GPC5: variants seen among roughly 807,000 people sequenced by gnomAD.
GPC5 encodes the protein glypican 5.
In GPC5, 47 loss-of-function variants were observed where a neutral mutation model predicts 53.9. The ratio of observed to expected loss-of-function variants is 0.87; its 90% CI spans 0.69 to 1.11. The LOEUF (loss-of-function observed/expected upper bound fraction) is 1.11. Among genes scored for constraint, GPC5 ranks in the 50% most tolerant of loss-of-function variants. The probability of loss-of-function intolerance (pLI) is 0.00; values close to 1 mark genes in which losing one functional copy is unlikely to be tolerated. For synonymous variants in GPC5, 286 were observed against 263.3 expected, an observed-to-expected ratio of 1.09 and a Z score of -0.84; for missense variants, 748 against 713.1, an observed-to-expected ratio of 1.05 and a Z score of -0.56.
At chr13:91,845,494 T>G (rs1411718986) in intron 5 of GPC5, among the ~76,000 whole-genome samples, 1 of 152,182 alleles carries the variant, frequency 6.6e-6, no homozygotes, top group African/African-American at 2.4e-5. Context: ...TAAGAACACT[T>G]AAGATCTGCT....
intron 7 of GPC5, among the ~76,000 whole-genome samples, chr13:92,819,028 A>G (rs912981349): frequency 6.6e-6 from 1 of 151,980 alleles, no homozygotes; most frequent in South Asian, 2.1e-4. Context: ...GGGAAAATAA[A>G]ACCTCGTATA....
At chr13:92,577,191 C>T (rs1430190071) in intron 7 of GPC5, among the ~76,000 whole-genome samples, 1 of 152,078 alleles carries the variant, frequency 6.6e-6, no homozygotes, top group Non-Finnish European at 1.5e-5. Flanking sequence ...TTGAATTCTC[C>T]TCCTGGAGAC....
At chr13:92,803,071 G>A (rs1283009680) in intron 7 of GPC5, among the ~76,000 whole-genome samples, 1 of 151,812 alleles carries the variant, frequency 6.6e-6, no homozygotes, top group African/African-American at 2.4e-5. Flanking sequence ...AATTACCTTA[G>A]GAAAATGGAA....
At chr13:92,760,372 G>T (rs1875113148) in intron 7 of GPC5, among the ~76,000 whole-genome samples, 1 of 151,986 alleles carries the variant, frequency 6.6e-6, no homozygotes. Flanking sequence ...GGACTGTTCA[G>T]ATTTATATGT....
intron 2 of GPC5, among the ~76,000 whole-genome samples, chr13:91,542,317 A>G (rs555686632): frequency 1.3e-5 from 2 of 152,332 alleles, no homozygotes; most frequent in East Asian, 1.9e-4. Flanking sequence ...GTGAAATCAT[A>G]AAAAGAGGCC....
chr13:92,836,113 T>A (rs1566438635), intron 7 of GPC5, among the ~76,000 whole-genome samples: 1 of 152,098 alleles, frequency 6.6e-6, no homozygotes, highest in Non-Finnish European at 1.5e-5. Flanking sequence ...CCAAAATTAC[T>A]TTTGTTTATC....
chr13:92,268,329 T>A (rs2042816382), intron 7 of GPC5, among the ~76,000 whole-genome samples: 2 of 151,866 alleles, frequency 1.3e-5, no homozygotes, highest in East Asian at 1.9e-4. Flanking sequence ...ATTTCAGCCC[T>A]TTGATTTGGT....
intron 7 of GPC5, among the ~76,000 whole-genome samples, chr13:92,662,119 T>TC (rs1174078886): frequency 3.3e-5 from 5 of 152,220 alleles, no homozygotes; most frequent in African/African-American, 4.8e-5. Context: ...AGAGCTGAAC[T>TC]TTTAACACTA....
At chr13:92,693,046 A>G (rs1410567023) in intron 7 of GPC5, among the ~76,000 whole-genome samples, 1 of 151,996 alleles carries the variant, frequency 6.6e-6, no homozygotes, top group African/African-American at 2.4e-5. Flanking sequence ...GGCAGTTCCT[A>G]GCTCTCTCTC....
intron 7 of GPC5, among the ~76,000 whole-genome samples, chr13:92,836,312 T>C (rs1878218269): frequency 6.6e-6 from 1 of 152,120 alleles, no homozygotes; most frequent in South Asian, 2.1e-4. Context: ...TTGTATTCCA[T>C]CTGGAATTTG....
intron 5 of GPC5, among the ~76,000 whole-genome samples, chr13:91,763,690 G>A (rs1044531984): frequency 1.3e-5 from 2 of 152,128 alleles, no homozygotes; most frequent in Non-Finnish European, 2.9e-5. Context: ...ATATCCCTAT[G>A]CCACAGTTGT....
intron 2 of GPC5, among the ~76,000 whole-genome samples, chr13:91,490,702 C>T (rs682733): frequency 0.98 from 149,526 of 152,318 alleles, 73,443 homozygotes; most frequent in East Asian, 1. Flanking sequence ...GTTTAACTTA[C>T]GTTATGACCT....
intron 7 of GPC5, among the ~76,000 whole-genome samples, chr13:92,660,481 A>G (rs1886299849): frequency 6.9e-6 from 1 of 144,440 alleles, no homozygotes; most frequent in Non-Finnish European, 1.5e-5. Context: ...ATACACACAT[A>G]CATGTATATA....
chr13:91,927,084 G>A (rs1270683430), intron 6 of GPC5, among the ~76,000 whole-genome samples: 1 of 152,096 alleles, frequency 6.6e-6, no homozygotes, highest in African/African-American at 2.4e-5. Context: ...TAAAATCATA[G>A]AAGTGATTTC....
intron 6 of GPC5, among the ~76,000 whole-genome samples, chr13:92,023,555 T>C (rs148548429): frequency 6.6e-6 from 1 of 152,008 alleles, no homozygotes; most frequent in East Asian, 1.9e-4. Context: ...TTACATTTTA[T>C]TATGATTTTG....
At chr13:92,049,754 T>C (rs1435957577) in intron 6 of GPC5, among the ~76,000 whole-genome samples, 1 of 152,152 alleles carries the variant, frequency 6.6e-6, no homozygotes, top group African/African-American at 2.4e-5. Context: ...GATTGCAATG[T>C]TAACTAACTT....
At chr13:92,594,119 G>T (rs943989324) in intron 7 of GPC5, among the ~76,000 whole-genome samples, 1 of 152,116 alleles carries the variant, frequency 6.6e-6, no homozygotes, top group East Asian at 1.9e-4. Flanking sequence ...TATCCAGATT[G>T]CCAGAAAGAT....
chr13:91,696,497 CA>C (rs1466446787), intron 3 of GPC5, among the ~76,000 whole-genome samples: 1 of 152,118 alleles, frequency 6.6e-6, no homozygotes, highest in Non-Finnish European at 1.5e-5. Context: ...AGCTCTTTAT[CA>C]AACTTTGATA....
At chr13:91,611,870 A>G (rs72632626) in intron 2 of GPC5, among the ~76,000 whole-genome samples, 7,057 of 152,144 alleles carry the variant, frequency 0.046, 396 homozygotes, top group South Asian at 0.22. Flanking sequence ...CATACACCTG[A>G]ACACTGCTGG....
Sources: gnomAD v4.1 joint callset for allele counts (sites outside exome capture counted in the v4.1 genomes callset) on GRCh38, gnomAD v4.1.1 for gene constraint, MANE v1.5 for transcripts, NCBI Gene and HGNC (gene_info 2026-07-23, HGNC 2026-07-21) for gene names.